Variants in TMEM131 observed in about 807,000 individuals in gnomAD.
The protein encoded by TMEM131 is transmembrane protein 131.
Under a neutral mutation model 211.6 loss-of-function variants are expected in TMEM131, and 66 were observed. The observed-to-expected ratio is 0.31, with a 90% CI of 0.26 to 0.38. The LOEUF (loss-of-function observed/expected upper bound fraction) is 0.38. Ranked by LOEUF, TMEM131 falls within the 10% of genes least tolerant of loss-of-function variation. The pLI, the probability that TMEM131 is intolerant of heterozygous loss-of-function variation, is 1.00. For missense variants in TMEM131, 2,036 were observed against 2,299.3 expected (o/e 0.89, Z 2.34); for synonymous variants, 844 against 841.3 (o/e 1.00, Z -0.06).
chr2:97,766,538 T>C lies in TMEM131; in HGVS notation c.4513A>G (p.Ile1505Val), dbSNP rs768668704. The C allele has an allele frequency of 6.2e-7, 1 of 1,614,028 alleles. No homozygotes were observed. Among genetic ancestry groups the C allele is most frequent in the South Asian group, 1.1e-5 (1 of 91,090 alleles). ...SKQRRNLPSK[I>V]PLPTAMTSGS... ...CTTGTCATTGCAGTTGGAAGAGGAA[T>C]CTTGCTTGGGAGATTTCTACGTTGC... is the stretch of plus-strand genomic sequence containing the variant. The change falls in exon 34 of 41, where the codon ATT becomes GTT. Residue 1505 changes from isoleucine (I) to valine (V), a missense_variant. Transcript: ENST00000186436.
At chr2:97,805,350 T>C (rs774869208) in intron 21 of TMEM131, 26 bp downstream of exon 21, 18 of 1,608,942 alleles carry the variant, frequency 1.1e-5, no homozygotes, top group Non-Finnish European at 1.4e-5. Context: ...AGTGAAGACA[T>C]GAGAGAGAAC....
chr2:97,830,149 A>C (rs1231297349), intron 11 of TMEM131, among the ~76,000 whole-genome samples: 1 of 150,622 alleles, frequency 6.6e-6, no homozygotes, highest in East Asian at 1.9e-4. Flanking sequence ...AAAAAAAAAA[A>C]AAAAAAACCA....
chr2:97,931,003 G>A (rs1381312451), intron 1 of TMEM131, among the ~76,000 whole-genome samples: 2 of 151,844 alleles, frequency 1.3e-5, no homozygotes, highest in East Asian at 3.8e-4. Context: ...CAAGAAAGTG[G>A]CTAGAGAAAA....
Position 97,949,783 on chromosome 2 carries a change from G to A in TMEM131, c.188-22296C>T, listed in dbSNP as rs902841297. On this transcript the variant is annotated intron_variant, in intron 1 of 40. Coordinates refer to ENST00000186436, the MANE Select transcript of TMEM131 (RefSeq NM_015348.2). ...TGCAGTGAGCCGAGACCATGCCACC[G>A]CACTCCAGCCTGGGCGACAGAGTGA... Among the ~76,000 whole-genome samples the A allele has an allele frequency of 1.6e-4, 20 of 127,060 alleles. No individual in the cohort carries two copies. The East Asian group carries it at 2.8e-3, about 18-fold the overall frequency. 83.4% of individuals were successfully genotyped at this position (127,060 alleles called of 152,430 possible).
intron 1 of TMEM131, among the ~76,000 whole-genome samples, chr2:97,927,849 T>C (rs1462198981): frequency 6.6e-6 from 1 of 152,152 alleles, no homozygotes; most frequent in Non-Finnish European, 1.5e-5. Context: ...ATCACTACAG[T>C]ATTATATTTC....
Position 97,814,392 on chromosome 2 carries a change from T to A in TMEM131, c.1293-4A>T. On this transcript the variant is annotated splice_polypyrimidine_tract_variant and splice_region_variant and intron_variant, in intron 13 of 40. Transcript: ENST00000186436. The stretch of plus-strand genomic sequence containing the variant: ...AGCATGATCAAATCCCAAATAACTA[T>A]TAAAAAAAACAACAAGAACAAAATA... 1 of 1,578,152 alleles carries A rather than the reference T, an allele frequency of 6.3e-7. No homozygotes were observed. The highest frequency in any genetic ancestry group is 1.9e-5 in the Admixed American group (1 of 51,484).
At chr2:97,761,809 G>C in intron 36 of TMEM131, 1 of 493,194 alleles carries the variant, frequency 2.0e-6, no homozygotes, top group Non-Finnish European at 3.5e-6. Flanking sequence ...GTCCACAGGT[G>C]GTAAGAATGA....
Position 97,802,642 on chromosome 2 carries a change from G to T in TMEM131, c.2541+10C>A, listed in dbSNP as rs912281181. 3.1e-6 allele frequency: 5 copies of T among 1,611,764 alleles called. No individual in the cohort carries two copies. Among genetic ancestry groups the T allele is most frequent in the Non-Finnish European group, 3.4e-6 (4 of 1,178,966 alleles). ...TATTTCCAAAAACCAATGTCACTTT[G>T]AATACTTACTGAGGAGCAGTTTGTA... On this transcript the variant is annotated intron_variant, in intron 23 of 40. Transcript: ENST00000186436.
At chr2:97,950,667 T>C (rs1017622357) in intron 1 of TMEM131, among the ~76,000 whole-genome samples, 4 of 151,942 alleles carry the variant, frequency 2.6e-5, no homozygotes, top group African/African-American at 9.7e-5. Flanking sequence ...TTCTCAGAAA[T>C]CATGTAGAAG....
Position 97,927,272 on chromosome 2 carries a change from G to C in TMEM131, c.249+154C>G, listed in dbSNP as rs1677031805. 3 of 475,308 alleles carry C rather than the reference G, an allele frequency of 6.3e-6. No homozygotes were observed. In the South Asian group the frequency reaches 2.1e-4, roughly 33 times the overall value. The allele number at this position is 475,308 out of a possible 1,614,324, so 29.4% of individuals were successfully genotyped here. A position where few individuals can be genotyped will look rare whatever the true frequency, so the allele number is the denominator to read the frequency against. The stretch of plus-strand genomic sequence containing the variant: ...AAAAGAAAACTCACGTAACTACAGA[G>C]GTTTTTATATTACTAAAGACTCTAC... On this transcript the variant is annotated intron_variant, in intron 2 of 40. Transcript: ENST00000186436.
rs183271762 is a variant in TMEM131 at position 97,884,078 on chromosome 2, A to G, written c.359+3974T>C. ...TTATTGTTATATAAATTTGCCTCTT[A>G]ATATTGCTTTTGCTGTGCCCCATAG... On this transcript the variant is annotated intron_variant, in intron 4 of 40. Transcript: ENST00000186436. Among the ~76,000 whole-genome samples the G allele has an allele frequency of 1.1e-4, 17 of 152,240 alleles. No homozygotes were observed. The East Asian group carries it at 3.3e-3, about 29-fold the overall frequency.
At chr2:97,827,482 G>A (rs1311842309) in intron 11 of TMEM131, 13 of 1,016,944 alleles carry the variant, frequency 1.3e-5, no homozygotes, top group Middle Eastern at 2.0e-4. Context: ...TGCAGAAAAT[G>A]GGGAAACGAA....
At chr2:97,781,742 G>A (rs1001382198) in intron 31 of TMEM131, among the ~76,000 whole-genome samples, 2 of 152,214 alleles carry the variant, frequency 1.3e-5, no homozygotes, top group African/African-American at 4.8e-5. Flanking sequence ...AGACTGGAGG[G>A]AGACTGGGGT....
At chr2:97,978,011 C>T (rs1679618616) in intron 1 of TMEM131, among the ~76,000 whole-genome samples, 1 of 152,058 alleles carries the variant, frequency 6.6e-6, no homozygotes, top group Non-Finnish European at 1.5e-5. Flanking sequence ...TGCTTGAACC[C>T]GGGAGGTGGA....
chr2:97,895,659 G>C (rs1231325252), intron 3 of TMEM131, among the ~76,000 whole-genome samples: 1 of 152,116 alleles, frequency 6.6e-6, no homozygotes, highest in Non-Finnish European at 1.5e-5. Context: ...TTTGCGTAGA[G>C]GTGTTTATAG....
intron 1 of TMEM131, among the ~76,000 whole-genome samples, chr2:97,987,899 T>C (rs772782700): frequency 6.6e-6 from 1 of 152,166 alleles, no homozygotes; most frequent in Non-Finnish European, 1.5e-5. Flanking sequence ...ATGTGATCTA[T>C]AGGTTCAACA....
At chr2:97,845,436 C>T (rs764953607) in intron 5 of TMEM131, among the ~76,000 whole-genome samples, 11 of 151,992 alleles carry the variant, frequency 7.2e-5, no homozygotes, top group Non-Finnish European at 1.2e-4. Flanking sequence ...AGAAAGATAC[C>T]CGGCAAACCC....
chr2:97,823,724 A>G (rs543227181), intron 11 of TMEM131, among the ~76,000 whole-genome samples: 229 of 152,306 alleles, frequency 1.5e-3, no homozygotes, highest in Non-Finnish European at 2.5e-3. Flanking sequence ...GAGTTATTCA[A>G]TGATGTCCAC....
At chr2:97,936,568 T>C (rs1031923649) in intron 1 of TMEM131, among the ~76,000 whole-genome samples, 19 of 152,184 alleles carry the variant, frequency 1.2e-4, no homozygotes, top group African/African-American at 4.6e-4. Context: ...TGTTCAATCA[T>C]TAGATGACTA....
Sources: gnomAD v4.1 joint callset for allele counts (sites outside exome capture counted in the v4.1 genomes callset) on GRCh38, gnomAD v4.1.1 for gene constraint, MANE v1.5 for transcripts, NCBI Gene and HGNC (gene_info 2026-07-23, HGNC 2026-07-21) for gene names.